Variants in NOL10 observed in about 807,000 individuals in gnomAD.
NOL10 encodes the protein H_NH0074G24.1.
NOL10 carries 58 observed loss-of-function variants against 103.5 expected under a neutral mutation model. The observed-to-expected ratio is 0.56, with a 90% CI of 0.45 to 0.70. The LOEUF (loss-of-function observed/expected upper bound fraction) is 0.70, where lower values mean the gene tolerates loss of function less well. Among genes scored for constraint, NOL10 ranks in the 30% least tolerant of loss-of-function variants. NOL10 has a pLI of 0.00. For missense variants in NOL10, 763 were observed against 807.3 expected (o/e 0.95, Z 0.67); for synonymous variants, 287 against 282.5 (o/e 1.02, Z -0.16).
rs1197480813 is a variant in NOL10 at position 10,629,933 on chromosome 2, GCATACCAC to G, written c.1026+14379_1026+14386del. 1.1e-4 allele frequency among the ~76,000 whole-genome samples: 17 copies of G among 152,148 alleles called. No individual in the cohort carries two copies. In the South Asian group the frequency reaches 3.3e-3, roughly 30 times the overall value. On this transcript the variant is annotated intron_variant, in intron 13 of 20. Coordinates refer to ENST00000381685, the MANE Select transcript of NOL10 (RefSeq NM_024894.4). ...CCCCTGAGTAGCTAAAACTACAAAT[GCATACCAC>G]CATGCCCAGCTAATTTTTTAAAACA...
rs151323293 is a variant in NOL10 at position 10,593,252 on chromosome 2, C to T, written c.1423-3501G>A. On this transcript the variant is annotated intron_variant, in intron 17 of 20. Transcript: ENST00000381685. ...CTCCCGGGTTCAAGCGATTCTCCTG[C>T]CTCAGCCTCCTGGAGTAGCTGGGAT... Among the ~76,000 whole-genome samples the T allele has an allele frequency of 5.1e-4, 78 of 152,102 alleles. 2 individuals carry two copies. The East Asian group carries it at 0.014, about 26-fold the overall frequency.
At chr2:10,686,012 T>A (rs565173066) in intron 1 of NOL10, among the ~76,000 whole-genome samples, 1 of 143,444 alleles carries the variant, frequency 7.0e-6, no homozygotes, top group East Asian at 2.0e-4. Context: ...AGGTGAGCCA[T>A]GATTGTGCCA....
intron 11 of NOL10, among the ~76,000 whole-genome samples, chr2:10,655,679 C>CA (rs887486086): frequency 4.0e-5 from 6 of 151,614 alleles, no homozygotes; most frequent in African/African-American, 9.7e-5. Flanking sequence ...TCATAAGAAA[C>CA]AAAAAAAATG....
At chr2:10,675,654 T>C in intron 4 of NOL10, 140 bp downstream of exon 4, 2 of 560,948 alleles carry the variant, frequency 3.6e-6, no homozygotes, top group Non-Finnish European at 6.4e-6. Flanking sequence ...AAATGGATGT[T>C]TTAAGCCATC....
At chr2:10,590,547 G>A (rs963617762) in intron 17 of NOL10, among the ~76,000 whole-genome samples, 6 of 95,244 alleles carry the variant, frequency 6.3e-5, no homozygotes, top group Admixed American at 2.9e-4. Flanking sequence ...TCAGTTTACC[G>A]ATTCCAGCTG....
intron 19 of NOL10, among the ~76,000 whole-genome samples, chr2:10,586,857 T>C (rs2148155930): frequency 6.6e-6 from 1 of 151,570 alleles, no homozygotes; most frequent in South Asian, 2.1e-4. Flanking sequence ...AAATATGTGG[T>C]AATTGACCCC....
intron 13 of NOL10, among the ~76,000 whole-genome samples, chr2:10,625,082 G>A (rs1327151614): frequency 6.6e-6 from 1 of 152,190 alleles, no homozygotes; most frequent in Non-Finnish European, 1.5e-5. Flanking sequence ...CAAAACTAGA[G>A]ACAGTAAAAA....
intron 13 of NOL10, among the ~76,000 whole-genome samples, chr2:10,640,092 GA>G (rs1383844484): frequency 9.2e-5 from 14 of 152,282 alleles, no homozygotes; most frequent in Admixed American, 9.2e-4. Flanking sequence ...AAGAGGGAGG[GA>G]AAAAGTTTTC....
At chr2:10,687,131 TG>T in intron 1 of NOL10, among the ~76,000 whole-genome samples, 1 of 144,376 alleles carries the variant, frequency 6.9e-6, no homozygotes, top group South Asian at 2.2e-4. Flanking sequence ...AGACAACAAC[TG>T]GGGTTCCACG....
intron 10 of NOL10, among the ~76,000 whole-genome samples, chr2:10,658,129 T>C (rs1011122601): frequency 2.0e-5 from 3 of 152,088 alleles, no homozygotes; most frequent in African/African-American, 7.2e-5. Flanking sequence ...CTGAACATAC[T>C]AAGAAAGAAC....
At chr2:10,589,462 A>C in intron 18 of NOL10, 116 bp downstream of exon 18, 1 of 1,205,718 alleles carries the variant, frequency 8.3e-7, no homozygotes, top group Admixed American at 2.8e-5. Context: ...CCAATGTCAA[A>C]CACTTAATAT....
In NOL10 at chr2:10,674,742, C is replaced by T. The variant is rs556322508; in HGVS notation, c.289+1052G>A. ...ATCCCAGCCACTTAGGAGGCTGAGG[C>T]AGGAGAATCACTTCAATCTGGGAGG... On this transcript the variant is annotated intron_variant, in intron 4 of 20. Coordinates refer to ENST00000381685, the MANE Select transcript of NOL10 (RefSeq NM_024894.4). Among the ~76,000 whole-genome samples, 12 of 152,304 alleles carry T rather than the reference C, an allele frequency of 7.9e-5. No individual in the cohort carries two copies. The South Asian group carries it at 2.5e-3, about 32-fold the overall frequency.
chr2:10,641,902 C>A (rs1170984186), intron 13 of NOL10, among the ~76,000 whole-genome samples: 2 of 152,212 alleles, frequency 1.3e-5, no homozygotes, highest in African/African-American at 4.8e-5. Context: ...CCTCCCGAAG[C>A]AGCACTCCAC....
chr2:10,571,842 G>T lies in NOL10; in HGVS notation c.*229C>A. 2.5e-6 allele frequency: 1 copy of T among 407,526 alleles called. No individual in the cohort carries two copies. Among genetic ancestry groups the T allele is most frequent in the Non-Finnish European group, 4.3e-6 (1 of 230,160 alleles). 25.2% of individuals were successfully genotyped at this position (407,526 alleles called of 1,614,324 possible). ...CCGTGGGGAAAGGACAATGTTTCCA[G>T]GGAGCAACGACTCGCAAGCACACCC... On this transcript the variant is annotated 3_prime_UTR_variant, in exon 21 of 21. Coordinates refer to ENST00000381685, the MANE Select transcript of NOL10 (RefSeq NM_024894.4).
intron 1 of NOL10, among the ~76,000 whole-genome samples, chr2:10,686,914 A>G (rs965459045): frequency 6.6e-6 from 1 of 152,208 alleles, no homozygotes; most frequent in Non-Finnish European, 1.5e-5. Flanking sequence ...CAGACATCCA[A>G]GCGGGGATGT....
rs141378053 is a variant in NOL10, at chr2:10,585,337, C to A, written c.1844+3706G>T. On this transcript the variant is annotated intron_variant, in intron 19 of 20. Coordinates refer to ENST00000381685, the MANE Select transcript of NOL10 (RefSeq NM_024894.4). The stretch of plus-strand genomic sequence containing the variant: ...TGTATAAAAAGTGAGGCTGCACACG[C>A]TGCTGGAGAATGTAAAATGGCACAG... Among the ~76,000 whole-genome samples, 12 of 152,354 alleles carry A rather than the reference C, an allele frequency of 7.9e-5. No homozygotes were observed. The East Asian group carries it at 2.1e-3, about 27-fold the overall frequency.
chr2:10,600,949 A>AC lies in NOL10; in HGVS notation c.1333-8_1333-7insG, dbSNP rs764714119. On this transcript the variant is annotated splice_polypyrimidine_tract_variant and splice_region_variant and intron_variant, in intron 16 of 20. Transcript: ENST00000381685. ...TGTTAACTTTTGGCAATTTCTAGAG[A>AC]GAAAATAAAAGCTGGTATTTTATTT... The AC allele has an allele frequency of 7.2e-5, 107 of 1,476,464 alleles. No homozygotes were observed. The highest frequency in any genetic ancestry group is 6.5e-6 in the Non-Finnish European group (7 of 1,084,042). The allele number at this position is 1,476,464 out of a possible 1,614,324, so 91.5% of individuals were successfully genotyped here.
chr2:10,602,759 G>C lies in NOL10; in HGVS notation c.1332+17C>G, dbSNP rs1356771535. The stretch of plus-strand genomic sequence containing the variant: ...GTACTCTTCTCTGATAAATTCAATG[G>C]TAAGTATAATATTTACCTTTAACTG... On this transcript the variant is annotated intron_variant, in intron 16 of 20. Transcript: ENST00000381685. 3 of 1,424,450 alleles carry C rather than the reference G, an allele frequency of 2.1e-6. No homozygotes were observed. The highest frequency in any genetic ancestry group is 2.9e-6 in the Non-Finnish European group (3 of 1,028,224). 88.2% of individuals were successfully genotyped at this position (1,424,450 alleles called of 1,614,324 possible).
chr2:10,689,903 C>T lies in NOL10; in HGVS notation c.-42G>A. On this transcript the variant is annotated 5_prime_UTR_variant, in exon 1 of 21. Transcript: ENST00000381685. ...GTTCAAGTCCCGGGTCCTTTCCCAC[C>T]AGCGTGCTCGAGCACCGTAATCCCG... 2 of 1,568,578 alleles carry T rather than the reference C, an allele frequency of 1.3e-6. No individual in the cohort carries two copies. The highest frequency in any genetic ancestry group is 1.7e-6 in the Non-Finnish European group (2 of 1,154,426).
Sources: gnomAD v4.1 joint callset for allele counts (sites outside exome capture counted in the v4.1 genomes callset) on GRCh38, gnomAD v4.1.1 for gene constraint, MANE v1.5 for transcripts, NCBI Gene and HGNC (gene_info 2026-07-23, HGNC 2026-07-21) for gene names.